COPS5: variants seen among roughly 807,000 people sequenced by gnomAD.
COPS5 encodes COP9 signalosome subunit 5.
Under a neutral mutation model 44.4 loss-of-function variants are expected in COPS5, and 8 were observed. The ratio of observed to expected loss-of-function variants is 0.18; its 90% CI spans 0.11 to 0.32. The LOEUF (loss-of-function observed/expected upper bound fraction) is 0.32. Among genes scored for constraint, COPS5 ranks in the 10% least tolerant of loss-of-function variants. The probability of loss-of-function intolerance (pLI) is 1.00; values close to 1 mark genes in which losing one functional copy is unlikely to be tolerated. For synonymous variants in COPS5, 122 were observed against 142.8 expected, an observed-to-expected ratio of 0.85 and a Z score of 1.04; for missense variants, 159 against 406.4, an observed-to-expected ratio of 0.39 and a Z score of 5.23.
intron 6 of COPS5, among the ~76,000 whole-genome samples, chr8:67,046,824 C>CAA (rs771868140): frequency 0.011 from 479 of 43,338 alleles, 1 homozygote; most frequent in African/African-American, 0.019. Context: ...ACTCTGTCTC[C>CAA]AAAAAAAAAA....
intron 7 of COPS5, chr8:67,044,230 A>G (rs183095207): frequency 6.6e-6 from 1 of 151,964 alleles, no homozygotes; most frequent in East Asian, 1.9e-4. Flanking sequence ...AAATTTTTGC[A>G]GAGATGGGGT....
chr8:67,061,651 CG>C, intron 1 of COPS5: 1 of 587,582 alleles, frequency 1.7e-6, no homozygotes, highest in Non-Finnish European at 3.0e-6. Flanking sequence ...TTACATCACC[CG>C]GGGGCAAATG....
rs750426531 is a variant in COPS5 at position 67,062,091 on chromosome 8, G to GAGGTAA, written c.-96_-95insTTACCT. 3 of 1,587,794 alleles carry GAGGTAA rather than the reference G, an allele frequency of 1.9e-6. No individual in the cohort carries two copies. The highest frequency in any genetic ancestry group is 2.6e-6 in the Non-Finnish European group (3 of 1,169,714). On this transcript the variant is annotated 5_prime_UTR_variant, in exon 1 of 8. Coordinates refer to ENST00000357849, the MANE Select transcript of COPS5 (RefSeq NM_006837.3). ...GTGGGCCTTGACCCTCCGCACCACG[G>GAGGTAA]GAACAAACTCTTACCTAGACTCTTG...
chr8:67,047,059 T>A (rs1816710646), intron 6 of COPS5, among the ~76,000 whole-genome samples: 3 of 152,136 alleles, frequency 2.0e-5, no homozygotes. Flanking sequence ...TATCACTTTT[T>A]AATTGCAGTC....
intron 1 of COPS5, chr8:67,061,227 G>C (rs1585719615): frequency 7.1e-6 from 2 of 280,854 alleles, no homozygotes; most frequent in East Asian, 1.1e-4. Context: ...TGGCTTATGG[G>C]AACTGGTGGA....
intron 5 of COPS5, among the ~76,000 whole-genome samples, chr8:67,055,860 T>C (rs1176757779): frequency 3.3e-5 from 4 of 120,918 alleles, no homozygotes; most frequent in African/African-American, 1.2e-4. Flanking sequence ...AGCAAGACTA[T>C]GTCTTGGGGG....
At chr8:67,044,512 T>A (rs188277094) in intron 7 of COPS5, 44 of 152,306 alleles carry the variant, frequency 2.9e-4, no homozygotes, top group African/African-American at 9.9e-4. Context: ...TTAAAATAGA[T>A]ACCAACATAT....
chr8:67,045,657 C>A lies in COPS5; in HGVS notation c.920+155G>T, dbSNP rs1816691998. The A allele has an allele frequency of 2.6e-5, 19 of 718,088 alleles. No homozygotes were observed. In the South Asian group the frequency reaches 3.8e-4, roughly 14 times the overall value. 44.5% of individuals were successfully genotyped at this position (718,088 alleles called of 1,614,324 possible). A position where few individuals can be genotyped will look rare whatever the true frequency, so the allele number is the denominator to read the frequency against. ...AAATTTTCAAAGTTAAAACTTGTGT[C>A]TGACAACTCCTAAAGTTTCCAAGAA... is the stretch of plus-strand genomic sequence containing the variant. On this transcript the variant is annotated intron_variant, in intron 7 of 7. Coordinates refer to ENST00000357849, the MANE Select transcript of COPS5 (RefSeq NM_006837.3).
At chr8:67,057,488 A>G (rs1035703598) in intron 3 of COPS5, 43 bp from the exon 4 acceptor site, 1 of 1,329,914 alleles carries the variant, frequency 7.5e-7, no homozygotes, top group African/African-American at 1.5e-5. Flanking sequence ...ATAAAACTGT[A>G]TGCCTTTTAT....
chr8:67,057,839 G>C (rs1271238562), intron 3 of COPS5, among the ~76,000 whole-genome samples: 1 of 152,166 alleles, frequency 6.6e-6, no homozygotes, highest in African/African-American at 2.4e-5. Flanking sequence ...GAATGCCTAT[G>C]ATGAGCTGGC....
At chr8:67,052,151 A>G (rs751377298) in intron 5 of COPS5, among the ~76,000 whole-genome samples, 9 of 152,188 alleles carry the variant, frequency 5.9e-5, no homozygotes, top group African/African-American at 2.2e-4. Flanking sequence ...TATTCTTCAT[A>G]TAGAGGAGCT....
rs572611728 is a variant in COPS5, at chr8:67,062,067, TG to T, written c.-72del. The T allele has an allele frequency of 3.1e-5, 50 of 1,608,882 alleles. No individual in the cohort carries two copies. The East Asian group carries it at 1.1e-3, about 34-fold the overall frequency. ...CTTTACCTCGCTAGGTTTCCGGGTGTGGGCCTTGACCCTCCGCACCACGGGA... is the reference window on the plus strand; with the variant it reads ...CTTTACCTCGCTAGGTTTCCGGGTGTGGCCTTGACCCTCCGCACCACGGGA... On this transcript the variant is annotated 5_prime_UTR_variant, in exon 1 of 8. Transcript: ENST00000357849.
At chr8:67,053,554 A>G (rs897715562) in intron 5 of COPS5, among the ~76,000 whole-genome samples, 2 of 150,600 alleles carry the variant, frequency 1.3e-5, no homozygotes, top group Non-Finnish European at 3.0e-5. Context: ...TACAAAAATT[A>G]GCTGGGTGTG....
intron 5 of COPS5, among the ~76,000 whole-genome samples, chr8:67,055,254 G>A (rs1047435396): frequency 6.6e-6 from 1 of 152,346 alleles, no homozygotes; most frequent in East Asian, 1.9e-4. Flanking sequence ...ACAGAGGTGT[G>A]CAGTCTGTGA....
At chr8:67,057,834 C>A (rs1804534628) in intron 3 of COPS5, among the ~76,000 whole-genome samples, 1 of 152,186 alleles carries the variant, frequency 6.6e-6, no homozygotes, top group Non-Finnish European at 1.5e-5. Context: ...TGATTGAATG[C>A]CTATGATGAG....
At chr8:67,050,566 T>TGTGTGA (rs1458721015) in intron 6 of COPS5, among the ~76,000 whole-genome samples, 3 of 150,692 alleles carry the variant, frequency 2.0e-5, no homozygotes, top group East Asian at 3.9e-4. Context: ...TGAGTGTGTG[T>TGTGTGA]GTGTGTGTGT....
At position 67,057,996 on chromosome 8, in the gene COPS5, C is replaced by G. The variant is rs543207290; in HGVS notation, c.507+87G>C. On this transcript the variant is annotated intron_variant, in intron 3 of 7. Transcript: ENST00000357849. The stretch of plus-strand genomic sequence containing the variant: ...GCAGACTGATACCAGAGCAATTTCT[C>G]TTTACTACACTATTCTTATTTCTCA... 24 of 1,405,660 alleles carry G rather than the reference C, an allele frequency of 1.7e-5. No individual in the cohort carries two copies. The African/African-American group carries it at 2.6e-4, about 15-fold the overall frequency. 87.1% of individuals were successfully genotyped at this position (1,405,660 alleles called of 1,614,324 possible).
chr8:67,057,567 G>A, intron 3 of COPS5, 122 bp from the exon 4 acceptor site: 2 of 536,748 alleles, frequency 3.7e-6, no homozygotes, highest in Non-Finnish European at 6.1e-6. Flanking sequence ...AACCAAATAA[G>A]AATAAACCAA....
intron 5 of COPS5, among the ~76,000 whole-genome samples, chr8:67,055,106 A>G (rs1804483793): frequency 6.6e-6 from 1 of 152,242 alleles, no homozygotes; most frequent in Admixed American, 6.5e-5. Context: ...CAGAGGGAAC[A>G]GCAAGTGCCA....
Sources: gnomAD v4.1 joint callset for allele counts (sites outside exome capture counted in the v4.1 genomes callset) on GRCh38, gnomAD v4.1.1 for gene constraint, MANE v1.5 for transcripts, NCBI Gene and HGNC (gene_info 2026-07-23, HGNC 2026-07-21) for gene names.